TTN: variants seen among roughly 807,000 people sequenced by gnomAD.
TTN encodes titin.
In TTN, 1,525 loss-of-function variants were observed where a neutral mutation model predicts 3,223.0. That is an observed-to-expected ratio of 0.47 (90% CI 0.45 to 0.49). The LOEUF (loss-of-function observed/expected upper bound fraction) is 0.49, where lower values mean the gene tolerates loss of function less well. Among genes scored for constraint, TTN ranks in the 20% least tolerant of loss-of-function variants. TTN has a pLI of 0.00. For synonymous variants in TTN, 14,094 were observed against 15,161.0 expected (o/e 0.93, Z 5.17); for missense variants, 40,786 against 43,424.0 (o/e 0.94, Z 5.40).
chr2:178,744,887 T>A, intron 47 of TTN: 3 of 985,226 alleles, frequency 3.0e-6, no homozygotes, highest in Non-Finnish European at 3.6e-6. Flanking sequence ...TTTGCAAATG[T>A]CTAGGTGAAC....
At position 178,678,822 on chromosome 2, in the gene TTN, C is replaced by T. The variant is rs773978814; in HGVS notation, c.33751G>A (p.Val11251Met). The T allele has an allele frequency of 7.6e-6, 12 of 1,588,750 alleles. No homozygotes were observed. The highest frequency in any genetic ancestry group is 3.4e-6 in the Non-Finnish European group (4 of 1,171,894). ...TCCTCTGGCACAGGTTTCTTGGGCACTTCAGGAACTTCAAAGATATCAAAT... is the reference window on the plus strand; with the variant it reads ...TCCTCTGGCACAGGTTTCTTGGGCATTTCAGGAACTTCAAAGATATCAAAT... ...EKPPPAKVPE[V>M]PKKPVPEEKV... Residue 11251 changes from valine to methionine, a missense_variant, in exon 143 of 363, where the codon GTG becomes ATG. Val to Met is a conservative substitution (Grantham distance 21, BLOSUM62 1). Transcript: ENST00000589042.
intron 240 of TTN, among the ~76,000 whole-genome samples, chr2:178,626,882 T>C (rs577543038): frequency 1.8e-4 from 27 of 152,048 alleles, no homozygotes; most frequent in Admixed American, 5.2e-4. Context: ...TGAGTTCCTC[T>C]GTAGCTACTC....
rs1030613328 is a variant in TTN, at chr2:178,663,766, T to C, written c.36448+53A>G. 5 of 1,611,744 alleles carry C rather than the reference T, an allele frequency of 3.1e-6. No homozygotes were observed. The African/African-American group carries it at 5.4e-5, about 17-fold the overall frequency. On this transcript the variant is annotated intron_variant, in intron 170 of 362. Transcript: ENST00000589042. ...AAGTTATGAAGACCACTGGAAAAAA[T>C]ATCTTCAAGAGCAAAAGAATGAGAT...
At position 178,736,844 on chromosome 2, in the gene TTN, T is replaced by A. The variant is rs539715125; in HGVS notation, c.14372-770A>T. On this transcript the variant is annotated intron_variant, in intron 49 of 362. Transcript: ENST00000589042. ...GTGAAAAGCACTGGTTGGGTCATCATGGGCCTGGGTTTTTCTTAGGATCAC... is the reference window on the plus strand; with the variant it reads ...GTGAAAAGCACTGGTTGGGTCATCAAGGGCCTGGGTTTTTCTTAGGATCAC... Among the ~76,000 whole-genome samples, 6 of 152,328 alleles carry A rather than the reference T, an allele frequency of 3.9e-5. No individual in the cohort carries two copies. The East Asian group carries it at 1.2e-3, about 29-fold the overall frequency.
In TTN at chr2:178,739,900, C is replaced by T; in HGVS notation, c.13333G>A (p.Val4445Ile). ...TCTGTTACAGACTTTGCCGAAGTAA[C>T]AAGGTACATGCACATGATGTGTCTG... is the stretch of plus-strand genomic sequence containing the variant. ...EPRHIMCMYL[V>I]TSAKSVTEEV... is the part of the protein sequence containing the mutation. Residue 4445 changes from valine to isoleucine, a missense_variant, in exon 48 of 363, where the codon GTT becomes ATT. Transcript: ENST00000589042. 1 of 1,613,842 alleles carries T rather than the reference C, an allele frequency of 6.2e-7. No individual in the cohort carries two copies. Among genetic ancestry groups the T allele is most frequent in the Middle Eastern group, 1.7e-4 (1 of 6,058 alleles).
chr2:178,559,880 T>G lies in TTN; in HGVS notation c.86252A>C (p.Glu28751Ala), dbSNP rs745804089. The G allele has an allele frequency of 8.1e-6, 13 of 1,612,830 alleles. No homozygotes were observed. In the South Asian group the frequency reaches 1.2e-4, roughly 15 times the overall value. The change falls in exon 326 of 363, where the codon GAA (glutamate) becomes GCA (alanine). Residue 28751 changes from glutamate to alanine, a missense_variant. By Grantham distance (107) the Glu-to-Ala change is moderately radical. Transcript: ENST00000589042. ...TTCACTGTCAATATCAAATAAAGGT[T>G]CTTCTTCTCTTTCCTTTGCTATCTG... ...DPQIAKEREE[E>A]PLFDIDSEMR...
Position 178,564,779 on chromosome 2 carries a change from A to G in TTN, c.81353T>C (p.Leu27118Ser). The G allele has an allele frequency of 6.2e-7, 1 of 1,612,242 alleles. No individual in the cohort carries two copies. The highest frequency in any genetic ancestry group is 8.5e-7 in the Non-Finnish European group (1 of 1,179,094). Residue 27118 changes from leucine to serine, a missense_variant, in exon 326 of 363, where the codon TTA (leucine) becomes TCA (serine). Transcript: ENST00000589042. ...GGGGGTCTTATTTAACTTGACCCAT[A>G]AAATACTGTTCTTTTCTTTCTGTTC... ...HLEQKEKNSI[L>S]WVKLNKTPIQ... is the part of the protein sequence containing the mutation.
Position 178,773,855 on chromosome 2 carries a change from C to T in TTN, c.7313G>A (p.Gly2438Glu). 1 of 1,614,056 alleles carries T rather than the reference C, an allele frequency of 6.2e-7. No individual in the cohort carries two copies. The highest frequency in any genetic ancestry group is 8.5e-7 in the Non-Finnish European group (1 of 1,179,990). The change falls in exon 31 of 363, where the codon GGG (glycine) becomes GAG (glutamate). Residue 2438 changes from glycine to glutamate, a missense_variant. Coordinates refer to ENST00000589042, the MANE Select transcript of TTN (RefSeq NM_001267550.2). ...TIPALGLSTS[G>E]RVSVYSVDVI... ...GGACTCACTATAGACAGAGACACGC[C>T]CACTGGTGGAGAGGCCAAGGGCTGG...
In TTN at chr2:178,608,833, G is replaced by A. The variant is rs1470469789; in HGVS notation, c.52178C>T (p.Pro17393Leu). The A allele has an allele frequency of 6.2e-7, 1 of 1,612,338 alleles. No homozygotes were observed. The change falls in exon 274 of 363, where the codon CCC (proline) becomes CTC (leucine). Residue 17393 changes from proline (P) to leucine (L), a missense_variant. Transcript: ENST00000589042. ...KTSVLCKWEP[P>L]LDDGGSEIIN... ...GATTTCACTGCCACCATCATCAAGGGGTGGTTCCCATTTACAAAGGACTGA... is the reference window on the plus strand; with the variant it reads ...GATTTCACTGCCACCATCATCAAGGAGTGGTTCCCATTTACAAAGGACTGA...
chr2:178,745,367 T>C lies in TTN; in HGVS notation c.11312-3446A>G, dbSNP rs575318457. Reference sequence around the variant, plus strand: ...TTGTGTTTGATATTACACAGCATGATTGACACAAGTGATGATTCCACAGTT... The same window carrying C: ...TTGTGTTTGATATTACACAGCATGACTGACACAAGTGATGATTCCACAGTT... On this transcript the variant is annotated intron_variant, in intron 47 of 362. Transcript: ENST00000589042. 5.7e-6 allele frequency: 8 copies of C among 1,403,170 alleles called. No individual in the cohort carries two copies. In the East Asian group the frequency reaches 2.1e-4, roughly 37 times the overall value. 86.9% of individuals were successfully genotyped at this position (1,403,170 alleles called of 1,614,324 possible).
At position 178,725,392 on chromosome 2, in the gene TTN, T is replaced by A. The variant is rs769865946; in HGVS notation, c.20812A>T (p.Asn6938Tyr). 1 of 1,590,440 alleles carries A rather than the reference T, an allele frequency of 6.3e-7. No individual in the cohort carries two copies. Among genetic ancestry groups the A allele is most frequent in the African/African-American group, 1.3e-5 (1 of 74,624 alleles). ...QIKNDGGMRE[N>Y]MATLMVLEPA... ...CCTAAGACCATCAGTGTGGCCATGT[T>A]CTCCCTCATTCCACCATCATTCTTG... The change falls in exon 71 of 363, where the codon AAC becomes TAC. Residue 6938 changes from asparagine to tyrosine, a missense_variant. Asn to Tyr is a moderately radical substitution (Grantham distance 143). Transcript: ENST00000589042.
rs199557654 is a variant in TTN at position 178,713,285 on chromosome 2, T to C, written c.26849A>G (p.Tyr8950Cys). Residue 8950 changes from tyrosine to cysteine, a missense_variant, in exon 93 of 363, where the codon TAT (tyrosine) becomes TGT (cysteine). By Grantham distance (194) the Tyr-to-Cys change is radical. Transcript: ENST00000589042. Reference protein sequence around the residue: ...GSSVVMECKVYGSPPISVSWF... With the variant: ...GSSVVMECKVCGSPPISVSWF... ...GGAGACAGAGATTGGAGGTGACCCATAGACTTTACACTCCATTACAACTGA... is the reference window on the plus strand; with the variant it reads ...GGAGACAGAGATTGGAGGTGACCCACAGACTTTACACTCCATTACAACTGA... The C allele has an allele frequency of 3.5e-4, 561 of 1,606,974 alleles. 1 individual carries two copies. The highest frequency in any genetic ancestry group is 3.9e-4 in the Non-Finnish European group (464 of 1,176,196).
intron 88 of TTN, 116 bp downstream of exon 88, chr2:178,716,979 T>C: frequency 8.3e-7 from 1 of 1,200,610 alleles, no homozygotes; most frequent in Non-Finnish European, 1.1e-6. Context: ...ACTTGATCCA[T>C]TTTCATCACT....
At chr2:178,721,624 TAAAC>T (rs1173681997) in intron 78 of TTN, among the ~76,000 whole-genome samples, 1 of 152,110 alleles carries the variant, frequency 6.6e-6, no homozygotes, top group Non-Finnish European at 1.5e-5. Flanking sequence ...AAATTTCAAT[TAAAC>T]AATACTTTTT....
rs767911710 is a variant in TTN at position 178,689,064 on chromosome 2, G to A, written c.32084C>T (p.Pro10695Leu). The change falls in exon 125 of 363, where the codon CCT (proline) becomes CTT (leucine). Residue 10695 changes from proline to leucine, a missense_variant. Transcript: ENST00000589042. ...AVPVPVAKKAPPPRAEVSKKT... is the reference protein window; with the variant it reads ...AVPVPVAKKALPPRAEVSKKT... The stretch of plus-strand genomic sequence containing the variant: ...GAGGCAAATCCTACCTCGGGGAGGA[G>A]GAGCTTTCTTAGCGACAGGAACTGG... The A allele has an allele frequency of 6.2e-7, 1 of 1,610,880 alleles. No individual in the cohort carries two copies. The highest frequency in any genetic ancestry group is 2.2e-5 in the East Asian group (1 of 44,794).
At position 178,579,615 on chromosome 2, in the gene TTN, C is replaced by T. The variant is rs1416365418; in HGVS notation, c.67582G>A (p.Glu22528Lys). 1.9e-6 allele frequency: 3 copies of T among 1,613,302 alleles called. No individual in the cohort carries two copies. The highest frequency in any genetic ancestry group is 1.3e-5 in the African/African-American group (1 of 74,904). Residue 22528 changes from glutamate (E) to lysine (K), a missense_variant, in exon 319 of 363, where the codon GAA (glutamate) becomes AAA (lysine). By Grantham distance (56) the Glu-to-Lys change is moderately conservative. Coordinates refer to ENST00000589042, the MANE Select transcript of TTN (RefSeq NM_001267550.2). ...EYTFRVSAEN[E>K]NGEGTPSEIT... Reference sequence around the variant, plus strand: ...TCGCTTGGGGTTCCTTCTCCATTTTCATTCTCAGCACTCACTCTGAAGGTA... The same window carrying T: ...TCGCTTGGGGTTCCTTCTCCATTTTTATTCTCAGCACTCACTCTGAAGGTA...
Position 178,706,553 on chromosome 2 carries a change from A to C in TTN, c.29321T>G (p.Phe9774Cys), listed in dbSNP as rs2075902617. Reference protein sequence around the residue: ...TDSGLYRCVAFNEHGEIESNV... With the variant: ...TDSGLYRCVACNEHGEIESNV... The stretch of plus-strand genomic sequence containing the variant: ...ACTTTCAATTTCACCATGTTCGTTA[A>C]ATGCCACGCATCGGTATAACCCAGA... The change falls in exon 102 of 363, where the codon TTT becomes TGT. Residue 9774 changes from phenylalanine to cysteine, a missense_variant. Coordinates refer to ENST00000589042, the MANE Select transcript of TTN (RefSeq NM_001267550.2). The C allele has an allele frequency of 6.2e-7, 1 of 1,613,716 alleles. No homozygotes were observed. Among genetic ancestry groups the C allele is most frequent in the African/African-American group, 1.3e-5 (1 of 74,880 alleles).
chr2:178,572,260 A>G lies in TTN; in HGVS notation c.73872T>C (p.Thr24624=). The G allele has an allele frequency of 1.2e-6, 2 of 1,613,270 alleles. No homozygotes were observed. The highest frequency in any genetic ancestry group is 1.7e-6 in the Non-Finnish European group (2 of 1,179,524). ...SERPLPPGKI[T]LMDVTRNSVS... ...CACTATTTCTTGTGACATCCATCAA[A>G]GTTATTTTTCCTGGAGGAAGAGGTC... Residue 24624 remains threonine, a synonymous_variant, in exon 326 of 363, where the codon ACT becomes ACC. Coordinates refer to ENST00000589042, the MANE Select transcript of TTN (RefSeq NM_001267550.2).
chr2:178,586,896 G>A, intron 307 of TTN, 89 bp from the exon 308 acceptor site: 2 of 1,513,504 alleles, frequency 1.3e-6, no homozygotes, highest in Non-Finnish European at 1.8e-6. Context: ...GTATGGATTT[G>A]CTCCAATGTA....
Sources: allele counts gnomAD v4.1 joint callset (sites outside exome capture counted in the v4.1 genomes callset), GRCh38; gene constraint gnomAD v4.1.1; transcripts MANE v1.5; gene names NCBI Gene and HGNC (gene_info 2026-07-23, HGNC 2026-07-21).